NUDCD1: variants seen among roughly 807,000 people sequenced by gnomAD.
NUDCD1 encodes nudC domain-containing protein 1.
NUDCD1 carries 60 observed loss-of-function variants against 67.8 expected under a neutral mutation model. The ratio of observed to expected loss-of-function variants is 0.88; its 90% CI spans 0.72 to 1.10. NUDCD1 has a LOEUF of 1.10. Ranked by LOEUF, NUDCD1 falls within the 50% of genes least tolerant of loss-of-function variation. The probability of loss-of-function intolerance (pLI) is 0.00; values close to 1 mark genes in which losing one functional copy is unlikely to be tolerated. For missense variants in NUDCD1, 643 were observed against 695.0 expected (o/e 0.93, Z 0.84); for synonymous variants, 244 against 230.8 (o/e 1.06, Z -0.52).
intron 8 of NUDCD1, among the ~76,000 whole-genome samples, chr8:109,270,640 G>T (rs1814127599): frequency 1.3e-5 from 2 of 151,500 alleles, no homozygotes; most frequent in Admixed American, 6.6e-5. Context: ...ATGCAGACAT[G>T]ACCAACATCA....
At chr8:109,275,264 C>G in intron 7 of NUDCD1, 88 bp downstream of exon 7, 1 of 1,318,068 alleles carries the variant, frequency 7.6e-7, no homozygotes, top group East Asian at 2.3e-5. Context: ...TTAGGAAAAG[C>G]AAAATATTGT....
At position 109,289,859 on chromosome 8, in the gene NUDCD1, G is replaced by T. The variant is rs753825748; in HGVS notation, c.715C>A (p.Pro239Thr). The T allele has an allele frequency of 3.2e-6, 5 of 1,558,328 alleles. No homozygotes were observed. In the South Asian group the frequency reaches 4.8e-5, roughly 15 times the overall value. ...ACAATCATTAGACCATTTCCATCAGGCTCAATAGCAGCATAATGTGGCACT... is the reference window on the plus strand; with the variant it reads ...ACAATCATTAGACCATTTCCATCAGTCTCAATAGCAGCATAATGTGGCACT... ...KSVPHYAAIEPDGNGLMIVSY... is the reference protein window; with the variant it reads ...KSVPHYAAIETDGNGLMIVSY... The change falls in exon 5 of 10, where the codon CCT becomes ACT. Residue 239 changes from proline to threonine, a missense_variant. Transcript: ENST00000239690.
At position 109,243,318 on chromosome 8, in the gene NUDCD1, A is replaced by G; in HGVS notation, c.1460-17T>C. 1.9e-6 allele frequency: 3 copies of G among 1,540,152 alleles called. No homozygotes were observed. Among genetic ancestry groups the G allele is most frequent in the Non-Finnish European group, 2.6e-6 (3 of 1,140,780 alleles). On this transcript the variant is annotated splice_polypyrimidine_tract_variant and intron_variant, in intron 9 of 9. Transcript: ENST00000239690. ...GGACATAGCCTGCCAAGAATATGAG[A>G]CAAACAAAAGAAAAACTATATATTA... is the stretch of plus-strand genomic sequence containing the variant.
intron 7 of NUDCD1, among the ~76,000 whole-genome samples, chr8:109,274,052 G>A (rs769613732): frequency 5.9e-5 from 9 of 151,982 alleles, no homozygotes; most frequent in Non-Finnish European, 1.0e-4. Context: ...ACTACAAATA[G>A]AAGAAAATTT....
intron 2 of NUDCD1, among the ~76,000 whole-genome samples, chr8:109,321,016 C>T (rs1399854709): frequency 1.3e-5 from 2 of 152,156 alleles, no homozygotes; most frequent in African/African-American, 4.8e-5. Context: ...CACTAAATAC[C>T]TTTTATAACT....
At chr8:109,254,589 A>T (rs1012283983) in intron 8 of NUDCD1, among the ~76,000 whole-genome samples, 1 of 152,058 alleles carries the variant, frequency 6.6e-6, no homozygotes, top group Non-Finnish European at 1.5e-5. Flanking sequence ...AGAAAAGGTT[A>T]TATTTACCTT....
chr8:109,286,678 T>C (rs539657624), intron 5 of NUDCD1, among the ~76,000 whole-genome samples: 3 of 152,190 alleles, frequency 2.0e-5, no homozygotes, highest in African/African-American at 7.2e-5. Context: ...GTAAGAATCT[T>C]AGAAGAAAAC....
At chr8:109,306,269 T>C (rs1238011190) in intron 2 of NUDCD1, among the ~76,000 whole-genome samples, 3 of 152,174 alleles carry the variant, frequency 2.0e-5, no homozygotes, top group African/African-American at 4.8e-5. Context: ...TACACTCCAA[T>C]ACTTTCACCC....
rs1379040521 is a variant in NUDCD1, at chr8:109,243,291, T to C, written c.1470A>G (p.Gln490=). The C allele has an allele frequency of 3.1e-6, 5 of 1,589,406 alleles. No individual in the cohort carries two copies. Among genetic ancestry groups the C allele is most frequent in the South Asian group, 1.1e-5 (1 of 88,674 alleles). The change falls in exon 10 of 10, where the codon CAA becomes CAG. Residue 490 remains glutamine (Q), a synonymous_variant. Transcript: ENST00000239690. ...AAAATTTTTTGTCTCTCTTTGATGC[T>C]TGGACATAGCCTGCCAAGAATATGA... ...IATFNALGYV[Q]ASKRDKKFFA... is the part of the protein sequence containing the mutation.
intron 8 of NUDCD1, among the ~76,000 whole-genome samples, chr8:109,256,591 G>T (rs1813745153): frequency 1.3e-5 from 2 of 152,104 alleles, no homozygotes; most frequent in South Asian, 4.2e-4. Context: ...ATAGAGAAAT[G>T]ACATAATCTA....
intron 8 of NUDCD1, among the ~76,000 whole-genome samples, chr8:109,264,799 A>AT (rs1182756755): frequency 3.3e-5 from 5 of 152,042 alleles, no homozygotes; most frequent in African/African-American, 1.2e-4. Flanking sequence ...AACTATATTA[A>AT]TGCAGACATT....
chr8:109,294,455 A>G (rs1814791125), intron 3 of NUDCD1, among the ~76,000 whole-genome samples: 1 of 151,662 alleles, frequency 6.6e-6, no homozygotes, highest in African/African-American at 2.4e-5. Flanking sequence ...TATTCAAAAC[A>G]GAGATGACAG....
At chr8:109,309,448 A>G (rs1000042395) in intron 2 of NUDCD1, among the ~76,000 whole-genome samples, 12 of 152,314 alleles carry the variant, frequency 7.9e-5, no homozygotes, top group Non-Finnish European at 1.6e-4. Context: ...ATTGGCATAC[A>G]ACGGACATAC....
chr8:109,311,559 G>GTATATATATATATA lies in NUDCD1; in HGVS notation c.273+10749_273+10750insTATATATATATATA, dbSNP rs1554617136. 6.4e-5 allele frequency among the ~76,000 whole-genome samples: 8 copies of GTATATATATATATA among 125,118 alleles called. 1 individual carries two copies. The highest frequency in any genetic ancestry group is 1.7e-4 in the African/African-American group (5 of 28,696). The allele number at this position is 125,118 out of a possible 152,430, so 82.1% of individuals were successfully genotyped here. A position where few individuals can be genotyped will look rare whatever the true frequency, so the allele number is the denominator to read the frequency against. ...AATGAGTGGATAAAGAAACTGTGGT[G>GTATATATATATATA]TATATATATATATGATGGGATACTG... On this transcript the variant is annotated intron_variant, in intron 2 of 9. Coordinates refer to ENST00000239690, the MANE Select transcript of NUDCD1 (RefSeq NM_032869.4).
intron 8 of NUDCD1, among the ~76,000 whole-genome samples, chr8:109,252,007 T>C (rs1341925951): frequency 6.6e-6 from 1 of 152,184 alleles, no homozygotes; most frequent in Non-Finnish European, 1.5e-5. Context: ...AATTCATAGG[T>C]TACTCAGTTT....
At chr8:109,320,482 C>T (rs1330633633) in intron 2 of NUDCD1, among the ~76,000 whole-genome samples, 4 of 152,358 alleles carry the variant, frequency 2.6e-5, no homozygotes, top group Non-Finnish European at 5.9e-5. Flanking sequence ...CTCTCTTACT[C>T]CCTGAACAAT....
intron 1 of NUDCD1, chr8:109,329,989 A>C (rs1815769440): frequency 8.6e-7 from 1 of 1,169,154 alleles, no homozygotes; most frequent in Non-Finnish European, 1.1e-6. Flanking sequence ...TGACTAGTCA[A>C]GAAAGGAATC....
At chr8:109,249,244 T>C (rs903311817) in intron 8 of NUDCD1, among the ~76,000 whole-genome samples, 10 of 152,200 alleles carry the variant, frequency 6.6e-5, no homozygotes, top group Admixed American at 5.9e-4. Context: ...AAGCCCTTAA[T>C]AAGTATTAAT....
intron 2 of NUDCD1, among the ~76,000 whole-genome samples, chr8:109,306,158 C>T (rs1357010426): frequency 3.9e-5 from 6 of 152,218 alleles, no homozygotes; most frequent in Non-Finnish European, 7.3e-5. Context: ...CCAGTTTACA[C>T]TTTTCTTCCA....
Sources: gnomAD v4.1 joint callset for allele counts (sites outside exome capture counted in the v4.1 genomes callset) on GRCh38, gnomAD v4.1.1 for gene constraint, MANE v1.5 for transcripts, NCBI Gene and HGNC (gene_info 2026-07-23, HGNC 2026-07-21) for gene names.